Variants in CCDC85A observed in about 807,000 individuals in gnomAD.
CCDC85A encodes the protein coiled-coil domain containing 85A.
CCDC85A carries 38 observed loss-of-function variants against 50.2 expected under a neutral mutation model. The observed-to-expected ratio is 0.76, with a 90% confidence interval of 0.58 to 0.99. The LOEUF (loss-of-function observed/expected upper bound fraction) is 0.99. CCDC85A is among the 50% of genes least tolerant of loss of function. The pLI is 0.00. For missense variants in CCDC85A, 820 were observed against 742.0 expected (o/e 1.11, Z -1.22); for synonymous variants, 366 against 301.4 (o/e 1.21, Z -2.22).
At chr2:56,195,143 C>T (rs533074702) in intron 2 of CCDC85A, among the ~76,000 whole-genome samples, 29 of 152,280 alleles carry the variant, frequency 1.9e-4, no homozygotes, top group Admixed American at 1.6e-3. Flanking sequence ...AAGTGGATCA[C>T]TTAAAAAACA....
chr2:56,312,675 A>G (rs1217186194), intron 2 of CCDC85A, among the ~76,000 whole-genome samples: 1 of 152,170 alleles, frequency 6.6e-6, no homozygotes, highest in East Asian at 1.9e-4. Flanking sequence ...GTAGGAAGAC[A>G]TGATTGGTTT....
chr2:56,291,952 C>T (rs1021189898), intron 2 of CCDC85A, among the ~76,000 whole-genome samples: 9 of 151,954 alleles, frequency 5.9e-5, no homozygotes, highest in African/African-American at 2.2e-4. Context: ...GCTTGCACTA[C>T]AGTGGTATTT....
chr2:56,318,671 GT>G (rs771695819), intron 2 of CCDC85A, among the ~76,000 whole-genome samples: 9 of 152,024 alleles, frequency 5.9e-5, no homozygotes, highest in Non-Finnish European at 1.2e-4. Flanking sequence ...TAATTAGTCA[GT>G]TTACTAACAC....
At chr2:56,379,296 A>G (rs1225059421) in intron 5 of CCDC85A, among the ~76,000 whole-genome samples, 1 of 152,094 alleles carries the variant, frequency 6.6e-6, no homozygotes, top group African/African-American at 2.4e-5. Context: ...CTGGGTTTTG[A>G]CCAGTTTCAC....
chr2:56,269,125 C>A (rs774762721), intron 2 of CCDC85A, among the ~76,000 whole-genome samples: 1 of 152,166 alleles, frequency 6.6e-6, no homozygotes, highest in Non-Finnish European at 1.5e-5. Flanking sequence ...ATTTTACATT[C>A]TCTGGCTCTG....
intron 2 of CCDC85A, among the ~76,000 whole-genome samples, chr2:56,318,414 A>T (rs981526398): frequency 1.3e-5 from 2 of 152,074 alleles, no homozygotes; most frequent in African/African-American, 2.4e-5. Flanking sequence ...TCATTCATTC[A>T]TTGGTTAACA....
At chr2:56,330,578 G>A (rs956145149) in intron 2 of CCDC85A, among the ~76,000 whole-genome samples, 11 of 152,082 alleles carry the variant, frequency 7.2e-5, no homozygotes, top group Non-Finnish European at 1.3e-4. Flanking sequence ...TAGTCATAGG[G>A]CAGCTTGGAA....
chr2:56,384,142 T>C lies in CCDC85A; in HGVS notation c.1573-124T>C, dbSNP rs1280332872. 3.9e-6 allele frequency: 3 copies of C among 778,138 alleles called. No individual in the cohort carries two copies. In the African/African-American group the frequency reaches 5.2e-5, roughly 14 times the overall value. The allele number at this position is 778,138 out of a possible 1,614,324, so 48.2% of individuals were successfully genotyped here. ...TTTATTTTGTATTTGAACTCATTCA[T>C]GTGGATATTTTGTCTCTTGTCTTTA... On this transcript the variant is annotated intron_variant, in intron 5 of 5. Coordinates refer to ENST00000407595, the MANE Select transcript of CCDC85A (RefSeq NM_001080433.2).
chr2:56,296,922 A>T (rs1671976334), intron 2 of CCDC85A, among the ~76,000 whole-genome samples: 1 of 152,214 alleles, frequency 6.6e-6, no homozygotes, highest in Admixed American at 6.5e-5. Context: ...ATAGAAAAGC[A>T]GTAAAAATGA....
intron 2 of CCDC85A, among the ~76,000 whole-genome samples, chr2:56,214,135 A>G (rs986990461): frequency 6.6e-6 from 1 of 151,962 alleles, no homozygotes; most frequent in Non-Finnish European, 1.5e-5. Flanking sequence ...TAATATGTTA[A>G]GAGTATGAGA....
chr2:56,292,034 A>G (rs1671734704), intron 2 of CCDC85A, among the ~76,000 whole-genome samples: 1 of 152,116 alleles, frequency 6.6e-6, no homozygotes, highest in South Asian at 2.1e-4. Context: ...TGAGTTAAAA[A>G]CATTTATTAT....
intron 2 of CCDC85A, among the ~76,000 whole-genome samples, chr2:56,251,514 T>G (rs918090729): frequency 3.9e-5 from 6 of 152,186 alleles, no homozygotes; most frequent in African/African-American, 1.4e-4. Flanking sequence ...CCTTCTCTAT[T>G]AATAAATATT....
chr2:56,248,717 C>T (rs938824605), intron 2 of CCDC85A, among the ~76,000 whole-genome samples: 1 of 152,092 alleles, frequency 6.6e-6, no homozygotes, highest in Non-Finnish European at 1.5e-5. Context: ...TTTTATCAAG[C>T]ACTTTACGTG....
chr2:56,186,277 A>G (rs1354968711), intron 1 of CCDC85A, among the ~76,000 whole-genome samples: 1 of 152,194 alleles, frequency 6.6e-6, no homozygotes, highest in Non-Finnish European at 1.5e-5. Flanking sequence ...GAGGCAGGCT[A>G]GTGTAGTAGG....
At chr2:56,360,549 A>T (rs1382808409) in intron 3 of CCDC85A, among the ~76,000 whole-genome samples, 1 of 152,232 alleles carries the variant, frequency 6.6e-6, no homozygotes, top group Non-Finnish European at 1.5e-5. Context: ...AGTTTCTTTT[A>T]AAATTTTGCC....
chr2:56,353,143 C>A (rs1161624006), intron 3 of CCDC85A, among the ~76,000 whole-genome samples: 1 of 152,152 alleles, frequency 6.6e-6, no homozygotes, highest in African/African-American at 2.4e-5. Context: ...AATAAAGTTT[C>A]ATTAGATAGC....
intron 2 of CCDC85A, among the ~76,000 whole-genome samples, chr2:56,200,095 C>T (rs776714840): frequency 2.6e-5 from 4 of 152,228 alleles, no homozygotes; most frequent in Non-Finnish European, 4.4e-5. Context: ...TCTCCATCTC[C>T]GGACCTGCTG....
intron 2 of CCDC85A, among the ~76,000 whole-genome samples, chr2:56,336,534 T>C (rs1674083843): frequency 6.6e-6 from 1 of 152,212 alleles, no homozygotes. Context: ...CCTGAGATTT[T>C]GGAGAGATGA....
intron 3 of CCDC85A, among the ~76,000 whole-genome samples, chr2:56,356,893 C>T (rs2104358443): frequency 6.6e-6 from 1 of 151,810 alleles, no homozygotes; most frequent in African/African-American, 2.4e-5. Context: ...CATGGTGAAA[C>T]CCCATCTCTA....
Sources: allele counts gnomAD v4.1 joint callset (sites outside exome capture counted in the v4.1 genomes callset), GRCh38; gene constraint gnomAD v4.1.1; transcripts MANE v1.5; gene names NCBI Gene and HGNC (gene_info 2026-07-23, HGNC 2026-07-21).